The following SEMA3E variants were observed in gnomAD, a reference collection of about 807,000 sequenced individuals.
SEMA3E encodes semaphorin-3E.
Under a neutral mutation model 93.6 loss-of-function variants are expected in SEMA3E, and 49 were observed. That is an observed-to-expected ratio of 0.52 (90% CI 0.42 to 0.66). The LOEUF is 0.66. Among genes scored for constraint, SEMA3E ranks in the 30% least tolerant of loss-of-function variants. SEMA3E has a pLI of 0.00. For synonymous variants in SEMA3E, 363 were observed against 330.7 expected (o/e 1.10, Z -1.06); for missense variants, 906 against 964.8 (o/e 0.94, Z 0.81).
chr7:83,379,926 G>C (rs546654427), intron 16 of SEMA3E, among the ~76,000 whole-genome samples: 7 of 151,774 alleles, frequency 4.6e-5, no homozygotes, highest in African/African-American at 1.2e-4. Context: ...CCCTGAAATT[G>C]ATACTACATT....
intron 16 of SEMA3E, among the ~76,000 whole-genome samples, chr7:83,380,950 G>A (rs1787764609): frequency 6.6e-6 from 1 of 151,890 alleles, no homozygotes; most frequent in Non-Finnish European, 1.5e-5. Context: ...ATGTGTATGA[G>A]GCAATCACTT....
chr7:83,564,574 C>T (rs1792102389), intron 1 of SEMA3E, among the ~76,000 whole-genome samples: 1 of 152,084 alleles, frequency 6.6e-6, no homozygotes, highest in Admixed American at 6.5e-5. Flanking sequence ...TTTTAGTAAA[C>T]ATTTTGCTCT....
chr7:83,393,306 G>C (rs945266230), intron 13 of SEMA3E, among the ~76,000 whole-genome samples: 3 of 151,754 alleles, frequency 2.0e-5, no homozygotes, highest in Non-Finnish European at 4.4e-5. Context: ...GGCTAAGGCA[G>C]GTAAATTGCT....
intron 1 of SEMA3E, among the ~76,000 whole-genome samples, chr7:83,495,620 T>C (rs948023994): frequency 6.6e-6 from 1 of 151,896 alleles, no homozygotes; most frequent in Non-Finnish European, 1.5e-5. Flanking sequence ...TAATATGTTC[T>C]TTTAATATGT....
intron 1 of SEMA3E, among the ~76,000 whole-genome samples, chr7:83,508,820 ATAAT>A (rs1468545952): frequency 2.0e-5 from 3 of 152,222 alleles, no homozygotes; most frequent in South Asian, 4.1e-4. Flanking sequence ...GGGTAAAATA[ATAAT>A]TAATTTCCAA....
chr7:83,461,938 T>A (rs954314338), intron 4 of SEMA3E: 2 of 152,256 alleles, frequency 1.3e-5, no homozygotes, highest in Non-Finnish European at 2.9e-5. Flanking sequence ...GCTTGCTACA[T>A]GTGCCGGAAA....
chr7:83,542,179 T>C (rs1374288592), intron 1 of SEMA3E, among the ~76,000 whole-genome samples: 2 of 140,386 alleles, frequency 1.4e-5, no homozygotes, highest in Non-Finnish European at 3.1e-5. Context: ...TCTGTCTCTA[T>C]AAAAAAGTTA....
At chr7:83,608,507 T>C (rs1392573472) in intron 1 of SEMA3E, among the ~76,000 whole-genome samples, 1 of 152,162 alleles carries the variant, frequency 6.6e-6, no homozygotes, top group Non-Finnish European at 1.5e-5. Context: ...TCATTGAATT[T>C]ATAGTACATA....
chr7:83,631,888 G>C (rs1327115441), intron 1 of SEMA3E, among the ~76,000 whole-genome samples: 1 of 152,198 alleles, frequency 6.6e-6, no homozygotes, highest in Non-Finnish European at 1.5e-5. Context: ...GGGCACAGTG[G>C]CTTATGCCTG....
At chr7:83,539,866 T>TGCGTGC (rs764015512) in intron 1 of SEMA3E, among the ~76,000 whole-genome samples, 1 of 148,686 alleles carries the variant, frequency 6.7e-6, no homozygotes, top group Non-Finnish European at 1.5e-5. Context: ...TGTGTGTGTG[T>TGCGTGC]GTGTGTGTGT....
intron 16 of SEMA3E, among the ~76,000 whole-genome samples, chr7:83,379,730 G>T (rs1342571070): frequency 6.6e-6 from 1 of 151,834 alleles, no homozygotes; most frequent in Non-Finnish European, 1.5e-5. Flanking sequence ...TTCACAAGCT[G>T]TGTAATCTTA....
At chr7:83,467,322 C>T (rs908577841) in intron 3 of SEMA3E, among the ~76,000 whole-genome samples, 4 of 152,142 alleles carry the variant, frequency 2.6e-5, no homozygotes, top group Non-Finnish European at 4.4e-5. Flanking sequence ...CTGCCTCAGC[C>T]TCTCAAAATA....
At chr7:83,506,438 G>A (rs1408096787) in intron 1 of SEMA3E, among the ~76,000 whole-genome samples, 1 of 152,006 alleles carries the variant, frequency 6.6e-6, no homozygotes, top group Non-Finnish European at 1.5e-5. Context: ...GAGGGACATA[G>A]CAGAAGGATA....
intron 1 of SEMA3E, among the ~76,000 whole-genome samples, chr7:83,529,315 T>C (rs531607754): frequency 2.0e-5 from 3 of 152,246 alleles, no homozygotes; most frequent in Non-Finnish European, 4.4e-5. Context: ...GCCCATGACC[T>C]TGCTTTCTTT....
intron 4 of SEMA3E, among the ~76,000 whole-genome samples, chr7:83,449,099 T>TATTC (rs1165942299): frequency 1.3e-5 from 2 of 151,446 alleles, no homozygotes; most frequent in East Asian, 3.9e-4. Flanking sequence ...TTTATTTATT[T>TATTC]ATTTATTTAT....
chr7:83,379,124 A>G (rs1787719901), intron 16 of SEMA3E, among the ~76,000 whole-genome samples: 1 of 151,966 alleles, frequency 6.6e-6, no homozygotes, highest in South Asian at 2.1e-4. Flanking sequence ...GGAGGACATT[A>G]TCATGAGTGA....
At chr7:83,546,698 C>T (rs779724240) in intron 1 of SEMA3E, among the ~76,000 whole-genome samples, 2 of 151,938 alleles carry the variant, frequency 1.3e-5, no homozygotes, top group African/African-American at 2.4e-5. Context: ...TGAGTCTAGA[C>T]AAAAGATTTC....
chr7:83,553,890 G>A (rs1015956552), intron 1 of SEMA3E, among the ~76,000 whole-genome samples: 2 of 152,032 alleles, frequency 1.3e-5, no homozygotes, highest in Non-Finnish European at 2.9e-5. Flanking sequence ...ATATGCAAGA[G>A]TTGAGAGGCT....
chr7:83,407,034 A>T (rs1788342848), intron 7 of SEMA3E, 63 bp downstream of exon 7: 2 of 1,591,464 alleles, frequency 1.3e-6, no homozygotes, highest in Admixed American at 3.3e-5. Flanking sequence ...CTTACTATAA[A>T]CTTAATAAAG....
Sources: allele counts gnomAD v4.1 joint callset (sites outside exome capture counted in the v4.1 genomes callset), GRCh38; gene constraint gnomAD v4.1.1; transcripts MANE v1.5; gene names NCBI Gene and HGNC (gene_info 2026-07-23, HGNC 2026-07-21).